SMYD2: variants seen among roughly 807,000 people sequenced by gnomAD.
SMYD2 encodes N-lysine methyltransferase SMYD2.
Under a neutral mutation model 59.1 loss-of-function variants are expected in SMYD2, and 53 were observed. That is an observed-to-expected ratio of 0.90 (90% CI 0.72 to 1.13). The LOEUF is 1.13. Among genes scored for constraint, SMYD2 ranks in the 50% most tolerant of loss-of-function variants. The probability of loss-of-function intolerance (pLI) is 0.00; values close to 1 mark genes in which losing one functional copy is unlikely to be tolerated. For synonymous variants in SMYD2, 208 were observed against 198.8 expected, an observed-to-expected ratio of 1.05 and a Z score of -0.39; for missense variants, 494 against 544.7, an observed-to-expected ratio of 0.91 and a Z score of 0.93.
intron 1 of SMYD2, among the ~76,000 whole-genome samples, chr1:214,288,094 A>C (rs535440045): frequency 3.7e-4 from 56 of 152,378 alleles, no homozygotes; most frequent in Admixed American, 3.7e-3. Context: ...GTGAAATTCA[A>C]ACCCTGGTGA....
In SMYD2 at chr1:214,314,131, C is replaced by T. The variant is rs148950016; in HGVS notation, c.238-631C>T. 8.4e-3 allele frequency among the ~76,000 whole-genome samples: 1,271 copies of T among 151,872 alleles called. 15 individuals are homozygous for T. The highest frequency in any genetic ancestry group is 0.029 in the African/African-American group (1,203 of 41,414). The stretch of plus-strand genomic sequence containing the variant: ...GGCAGAGGTTGCAGTGAGTCGAGAT[C>T]GCGCCACTGCACTGCAGCCTGGCAA... On this transcript the variant is annotated intron_variant, in intron 2 of 11. Coordinates refer to ENST00000366957, the MANE Select transcript of SMYD2 (RefSeq NM_020197.3).
At chr1:214,304,087 C>T (rs1026982576) in intron 1 of SMYD2, among the ~76,000 whole-genome samples, 5 of 152,162 alleles carry the variant, frequency 3.3e-5, no homozygotes, top group South Asian at 4.1e-4. Context: ...AATACACACG[C>T]GAGCACCTAA....
intron 5 of SMYD2, among the ~76,000 whole-genome samples, chr1:214,323,139 TAG>T (rs766762870): frequency 1.3e-5 from 2 of 152,278 alleles, no homozygotes; most frequent in South Asian, 4.1e-4. Context: ...CTCTAAAAAG[TAG>T]AGTCTTAGTT....
At chr1:214,294,185 A>C (rs1314896720) in intron 1 of SMYD2, among the ~76,000 whole-genome samples, 1 of 152,222 alleles carries the variant, frequency 6.6e-6, no homozygotes, top group Non-Finnish European at 1.5e-5. Context: ...GATTGAAAGA[A>C]AAATGTCTGC....
intron 1 of SMYD2, among the ~76,000 whole-genome samples, chr1:214,304,247 A>G (rs1183011024): frequency 6.6e-6 from 1 of 152,200 alleles, no homozygotes; most frequent in African/African-American, 2.4e-5. Context: ...ATCAGATCCC[A>G]TAATACAGTA....
Position 214,318,396 on chromosome 1 carries a change from G to T in SMYD2, c.409+257G>T, listed in dbSNP as rs115378880. Among the ~76,000 whole-genome samples, 1,389 of 152,336 alleles carry T rather than the reference G, an allele frequency of 9.1e-3. 12 individuals are homozygous for T. Among genetic ancestry groups the T allele is most frequent in the Non-Finnish European group, 0.014 (944 of 68,032 alleles). ...ATTATTGCACCCTGAGCTACCTCCT[G>T]CTGGCCCTCTTGGCATGCTGAATAC... is the stretch of plus-strand genomic sequence containing the variant. On this transcript the variant is annotated intron_variant, in intron 4 of 11. Coordinates refer to ENST00000366957, the MANE Select transcript of SMYD2 (RefSeq NM_020197.3). This position sits in a 1 kb window ranked among gnomAD's most constrained non-coding sequence, Gnocchi z 5.4.
At position 214,318,210 on chromosome 1, in the gene SMYD2, G is replaced by A. The variant is rs1657115184; in HGVS notation, c.409+71G>A. 2 of 1,399,700 alleles carry A rather than the reference G, an allele frequency of 1.4e-6. No homozygotes were observed. The highest frequency in any genetic ancestry group is 2.4e-5 in the South Asian group (2 of 83,010). The allele number at this position is 1,399,700 out of a possible 1,614,324, so 86.7% of individuals were successfully genotyped here. A position where few individuals can be genotyped will look rare whatever the true frequency, so the allele number is the denominator to read the frequency against. ...TTCACATGGGTTGGGCAGGATTGAAGCGAGGACGGGCTAGTTTGTGCTCAG... is the reference window on the plus strand; with the variant it reads ...TTCACATGGGTTGGGCAGGATTGAAACGAGGACGGGCTAGTTTGTGCTCAG... On this transcript the variant is annotated intron_variant, in intron 4 of 11. Coordinates refer to ENST00000366957, the MANE Select transcript of SMYD2 (RefSeq NM_020197.3). The surrounding 1 kb of genome is among the most constrained non-coding windows in gnomAD (Gnocchi z 5.4).
chr1:214,309,176 T>G (rs187764014), intron 2 of SMYD2, among the ~76,000 whole-genome samples: 1 of 152,236 alleles, frequency 6.6e-6, no homozygotes, highest in African/African-American at 2.4e-5. Context: ...TTCCTCTTAG[T>G]TCACTTGACT....
At chr1:214,334,731 C>A (rs187501454) in intron 11 of SMYD2, among the ~76,000 whole-genome samples, 9 of 152,344 alleles carry the variant, frequency 5.9e-5, no homozygotes, top group Non-Finnish European at 1.0e-4. Context: ...CCTCTCAGTT[C>A]ATTGAGGACC....
chr1:214,333,613 A>G (rs962287127), intron 10 of SMYD2: 1 of 152,640 alleles, frequency 6.6e-6, no homozygotes, highest in African/African-American at 2.4e-5. Flanking sequence ...GTACAGCCGG[A>G]GAGAACACTT....
At chr1:214,302,774 G>A (rs894001396) in intron 1 of SMYD2, among the ~76,000 whole-genome samples, 1 of 152,164 alleles carries the variant, frequency 6.6e-6, no homozygotes, top group African/African-American at 2.4e-5. Context: ...GGGATGTTAC[G>A]TGGAGACTGC....
rs777738205 is a variant in SMYD2 at position 214,318,164 on chromosome 1, G to A, written c.409+25G>A. 10 of 1,610,028 alleles carry A rather than the reference G, an allele frequency of 6.2e-6. No homozygotes were observed. The East Asian group carries it at 8.9e-5, about 14-fold the overall frequency. Reference sequence around the variant, plus strand: ...CGTAAGTCTTTCTGTGACCAGCCGCGCAGTTCTCTCAGCCACAGATTTCAC... The same window carrying A: ...CGTAAGTCTTTCTGTGACCAGCCGCACAGTTCTCTCAGCCACAGATTTCAC... On this transcript the variant is annotated intron_variant, in intron 4 of 11. Coordinates refer to ENST00000366957, the MANE Select transcript of SMYD2 (RefSeq NM_020197.3). The surrounding 1 kb of genome is among the most constrained non-coding windows in gnomAD (Gnocchi z 5.4).
At chr1:214,285,783 A>G (rs1179213558) in intron 1 of SMYD2, among the ~76,000 whole-genome samples, 1 of 152,220 alleles carries the variant, frequency 6.6e-6, no homozygotes, top group Non-Finnish European at 1.5e-5. Context: ...AGCATGCTAG[A>G]GTGTACTTAC....
At chr1:214,282,045 C>T (rs923368216) in intron 1 of SMYD2, among the ~76,000 whole-genome samples, 5 of 152,184 alleles carry the variant, frequency 3.3e-5, no homozygotes, top group African/African-American at 1.2e-4. Flanking sequence ...TGTCCAGTTT[C>T]GGTTTGGGAT....
At chr1:214,305,312 C>T in intron 2 of SMYD2, 62 bp downstream of exon 2, 1 of 1,461,992 alleles carries the variant, frequency 6.8e-7, no homozygotes, top group Non-Finnish European at 9.6e-7. Context: ...TCTTCCTTGT[C>T]ATGGCATTCC....
At chr1:214,322,699 C>T (rs116015103) in intron 5 of SMYD2, among the ~76,000 whole-genome samples, 1,886 of 152,272 alleles carry the variant, frequency 0.012, 22 homozygotes, top group African/African-American at 0.043. Context: ...ACCAGAGTTG[C>T]TGTTCAGAAT....
intron 7 of SMYD2, among the ~76,000 whole-genome samples, chr1:214,329,722 G>A (rs1441822681): frequency 6.6e-6 from 1 of 152,196 alleles, no homozygotes; most frequent in Non-Finnish European, 1.5e-5. Context: ...GAGCTTAGCT[G>A]CATGTGTGTG....
intron 2 of SMYD2, among the ~76,000 whole-genome samples, chr1:214,313,180 ACT>A (rs1200857177): frequency 1.3e-5 from 2 of 151,702 alleles, no homozygotes; most frequent in Non-Finnish European, 2.9e-5. Context: ...GTAGCGGTGC[ACT>A]CTCGGCTCAC....
chr1:214,301,703 A>G (rs1366861012), intron 1 of SMYD2, among the ~76,000 whole-genome samples: 1 of 151,354 alleles, frequency 6.6e-6, no homozygotes, highest in Non-Finnish European at 1.5e-5. Flanking sequence ...CATTCATTTC[A>G]GTAATATATC....
Sources: gnomAD v4.1 joint callset for allele counts (sites outside exome capture counted in the v4.1 genomes callset) on GRCh38, gnomAD v4.1.1 for gene constraint, Gnocchi (gnomAD v3.1) non-coding constraint, MANE v1.5 for transcripts, NCBI Gene and HGNC (gene_info 2026-07-23, HGNC 2026-07-21) for gene names.